Variants in NUP93 observed in about 807,000 individuals in gnomAD.
NUP93 encodes the protein nucleoporin 93, also known as nuclear pore complex protein Nup93.
In NUP93, 55 loss-of-function variants were observed where a neutral mutation model predicts 107.8. The observed-to-expected ratio is 0.51, with a 90% confidence interval of 0.41 to 0.64. The LOEUF (loss-of-function observed/expected upper bound fraction) is 0.64. Among genes scored for constraint, NUP93 ranks in the 30% least tolerant of loss-of-function variants. The probability of loss-of-function intolerance (pLI) is 0.00; values close to 1 mark genes in which losing one functional copy is unlikely to be tolerated. For missense variants in NUP93, 937 were observed against 1,044.7 expected (o/e 0.90, Z 1.42); for synonymous variants, 390 against 397.5 (o/e 0.98, Z 0.22).
intron 3 of NUP93, among the ~76,000 whole-genome samples, chr16:56,796,419 G>A (rs753479113): frequency 2.6e-5 from 4 of 152,158 alleles, no homozygotes; most frequent in Non-Finnish European, 4.4e-5. Flanking sequence ...ATACCATCTA[G>A]GTTTGTGTAA....
chr16:56,752,484 G>A (rs1961940703), intron 2 of NUP93, among the ~76,000 whole-genome samples: 1 of 152,104 alleles, frequency 6.6e-6, no homozygotes, highest in Non-Finnish European at 1.5e-5. Flanking sequence ...GTAGAGAAAA[G>A]TATTTAGTAC....
chr16:56,846,362 C>G lies in NUP93; in HGVS notation c.*1753C>G, dbSNP rs1250451335. 4.0e-5 allele frequency: 6 copies of G among 151,528 alleles called. 1 individual carries two copies. Among genetic ancestry groups the G allele is most frequent in the Non-Finnish European group, 5.9e-5 (4 of 67,982 alleles). 9.4% of individuals were successfully genotyped at this position (151,528 alleles called of 1,614,324 possible). On this transcript the variant is annotated 3_prime_UTR_variant, in exon 22 of 22. Coordinates refer to ENST00000308159, the MANE Select transcript of NUP93 (RefSeq NM_014669.5). ...GGCGAAGGTTGCAGTGATCTGAGAT[C>G]ATGCCACTGCACTCCAGCCTGGGTG...
chr16:56,825,855 A>G (rs1349635300), intron 8 of NUP93, among the ~76,000 whole-genome samples: 2 of 152,132 alleles, frequency 1.3e-5, no homozygotes, highest in Non-Finnish European at 2.9e-5. Context: ...TAAAGGGGGT[A>G]TTTTAGAATA....
chr16:56,792,441 TG>T (rs1792676718), intron 3 of NUP93, among the ~76,000 whole-genome samples: 1 of 152,246 alleles, frequency 6.6e-6, no homozygotes, highest in South Asian at 2.1e-4. Context: ...TCACAAAATT[TG>T]GGTTCTGAGT....
chr16:56,830,821 A>G (rs1963769231), intron 10 of NUP93, 136 bp downstream of exon 10: 3 of 725,342 alleles, frequency 4.1e-6, no homozygotes, highest in Non-Finnish European at 4.1e-6. Context: ...TTTTGAAAGC[A>G]AATAGAACTC....
chr16:56,816,897 GA>G (rs1186005419), intron 5 of NUP93, among the ~76,000 whole-genome samples: 1 of 152,138 alleles, frequency 6.6e-6, no homozygotes, highest in African/African-American at 2.4e-5. Context: ...TGGCTGTTAA[GA>G]AACATTTACC....
At chr16:56,761,647 A>G (rs1331554264) in intron 3 of NUP93, among the ~76,000 whole-genome samples, 1 of 152,220 alleles carries the variant, frequency 6.6e-6, no homozygotes, top group East Asian at 1.9e-4. Context: ...AGCCACTTAA[A>G]GTACTGTTAT....
intron 8 of NUP93, 22 bp from the exon 9 acceptor site, chr16:56,828,955 T>G: frequency 1.2e-6 from 2 of 1,611,946 alleles, no homozygotes; most frequent in Non-Finnish European, 1.7e-6. Flanking sequence ...CTTCCCTGTT[T>G]TTTCCTTTAA....
Position 56,831,846 on chromosome 16 carries a change from T to A in NUP93, c.1090T>A (p.Ser364Thr), listed in dbSNP as rs1963796821. ...EYMNSKDRRL[S>T]PATENKLRLH... ...TCTGTTCCCTTATGTCTGTAGATTG[T>A]CCCCAGCTACGGAAAACAAGCTCCG... The change falls in exon 11 of 22, where the codon TCC becomes ACC. Residue 364 changes from serine (S) to threonine (T), a missense_variant. Physicochemically the swap from Ser to Thr is moderately conservative, Grantham distance 58. Transcript: ENST00000308159. 1 of 1,613,846 alleles carries A rather than the reference T, an allele frequency of 6.2e-7. No individual in the cohort carries two copies. The highest frequency in any genetic ancestry group is 8.5e-7 in the Non-Finnish European group (1 of 1,179,916).
At chr16:56,733,365 C>T (rs1207799416) in intron 1 of NUP93, among the ~76,000 whole-genome samples, 1 of 152,042 alleles carries the variant, frequency 6.6e-6, no homozygotes, top group Non-Finnish European at 1.5e-5. Context: ...AAGGCTTAGT[C>T]GGCGTGCAAG....
chr16:56,802,996 A>C (rs1266720185), intron 4 of NUP93, among the ~76,000 whole-genome samples: 3 of 68,034 alleles, frequency 4.4e-5, no homozygotes, highest in East Asian at 3.5e-4. Context: ...TTTCTTTTTT[A>C]TTTTCCTTCT....
intron 2 of NUP93, among the ~76,000 whole-genome samples, chr16:56,756,056 G>A (rs1301031201): frequency 1.3e-5 from 2 of 151,962 alleles, no homozygotes; most frequent in Non-Finnish European, 2.9e-5. Flanking sequence ...AGGAAAGTTT[G>A]GACTAGGTTA....
At chr16:56,776,582 C>T (rs1331971321) in intron 3 of NUP93, among the ~76,000 whole-genome samples, 18 of 152,200 alleles carry the variant, frequency 1.2e-4, no homozygotes, top group Non-Finnish European at 2.1e-4. Context: ...ATTCTATTTA[C>T]AATCAACCTG....
intron 3 of NUP93, among the ~76,000 whole-genome samples, chr16:56,766,777 G>A (rs1212026106): frequency 6.6e-6 from 1 of 152,178 alleles, no homozygotes; most frequent in African/African-American, 2.4e-5. Flanking sequence ...CAGGTTGTTA[G>A]TGTCTCACTA....
intron 2 of NUP93, among the ~76,000 whole-genome samples, chr16:56,749,500 G>A (rs761282137): frequency 6.6e-6 from 1 of 152,148 alleles, no homozygotes; most frequent in Non-Finnish European, 1.5e-5. Context: ...GCCTTTGATG[G>A]GTCCGGAAAG....
intron 20 of NUP93, among the ~76,000 whole-genome samples, chr16:56,840,271 C>T (rs552864185): frequency 6.6e-5 from 10 of 152,342 alleles, no homozygotes; most frequent in African/African-American, 1.9e-4. Flanking sequence ...CTGCCCGCCT[C>T]GGCCTCCCAA....
intron 4 of NUP93, among the ~76,000 whole-genome samples, chr16:56,804,760 G>A (rs371634367): frequency 4.2e-4 from 64 of 152,004 alleles, no homozygotes; most frequent in African/African-American, 1.5e-3. Context: ...AATATAATTA[G>A]CTAGGCGTGG....
At chr16:56,808,751 AAT>A (rs1963243264) in intron 5 of NUP93, among the ~76,000 whole-genome samples, 2 of 143,946 alleles carry the variant, frequency 1.4e-5, no homozygotes, top group Non-Finnish European at 3.0e-5. Flanking sequence ...TACATATATA[AAT>A]ATATAAAAAT....
At chr16:56,836,340 A>G (rs1297599338) in intron 16 of NUP93, among the ~76,000 whole-genome samples, 1 of 152,214 alleles carries the variant, frequency 6.6e-6, no homozygotes, top group Non-Finnish European at 1.5e-5. Context: ...ATTAGAAAGC[A>G]CAGATGTCTT....
Sources: allele counts gnomAD v4.1 joint callset (sites outside exome capture counted in the v4.1 genomes callset), GRCh38; gene constraint gnomAD v4.1.1; transcripts MANE v1.5; gene names NCBI Gene and HGNC (gene_info 2026-07-23, HGNC 2026-07-21).